The following ZFC3H1 variants were observed in gnomAD, a reference collection of about 807,000 sequenced individuals.
ZFC3H1 encodes the protein zinc finger C3H1-type containing, also known as zinc finger C3H1 domain-containing protein.
Under a neutral mutation model 243.7 loss-of-function variants are expected in ZFC3H1, and 71 were observed. The ratio of observed to expected loss-of-function variants is 0.29; its 90% CI spans 0.24 to 0.36. ZFC3H1 has a LOEUF of 0.36. Ranked by LOEUF, ZFC3H1 falls within the 10% of genes least tolerant of loss-of-function variation. ZFC3H1 has a pLI of 1.00. For synonymous variants in ZFC3H1, 838 were observed against 813.0 expected (o/e 1.03, Z -0.52); for missense variants, 1,966 against 2,317.1 (o/e 0.85, Z 3.11).
intron 10 of ZFC3H1, among the ~76,000 whole-genome samples, chr12:71,635,152 T>C (rs1284458844): frequency 2.0e-5 from 3 of 152,104 alleles, no homozygotes; most frequent in African/African-American, 7.2e-5. Context: ...AACACAACTC[T>C]AAAACAACAG....
intron 10 of ZFC3H1, 21 bp downstream of exon 10, chr12:71,635,422 A>G: frequency 6.4e-7 from 1 of 1,553,152 alleles, no homozygotes; most frequent in Non-Finnish European, 8.6e-7. Context: ...CTTTCTTTCC[A>G]CCTTTAATTA....
intron 24 of ZFC3H1, among the ~76,000 whole-genome samples, chr12:71,622,825 G>A (rs1239301946): frequency 6.6e-6 from 1 of 152,116 alleles, no homozygotes; most frequent in Non-Finnish European, 1.5e-5. Context: ...GGCCTTGTAT[G>A]TTTAATAATT....
At chr12:71,662,497 T>TCCCCCCCCCCCC (rs150388437) in intron 1 of ZFC3H1, among the ~76,000 whole-genome samples, 1 of 103,494 alleles carries the variant, frequency 9.7e-6, no homozygotes, top group Non-Finnish European at 1.9e-5. Flanking sequence ...TTTTTACCCC[T>TCCCCCCCCCCCC]CCCCCCCCCA....
chr12:71,610,311 T>A lies in ZFC3H1; in HGVS notation c.*117A>T, dbSNP rs17227269. The A allele has an allele frequency of 8.2e-7, 1 of 1,225,446 alleles. No homozygotes were observed. Among genetic ancestry groups the A allele is most frequent in the Non-Finnish European group, 1.1e-6 (1 of 876,700 alleles). 75.9% of individuals were successfully genotyped at this position (1,225,446 alleles called of 1,614,324 possible). ...GGATATTGTAGGGAACTTGATATGATCAATAACGCTTGTCTGCCTTACACA... is the reference window on the plus strand; with the variant it reads ...GGATATTGTAGGGAACTTGATATGAACAATAACGCTTGTCTGCCTTACACA... On this transcript the variant is annotated 3_prime_UTR_variant, in exon 35 of 35. Coordinates refer to ENST00000378743, the MANE Select transcript of ZFC3H1 (RefSeq NM_144982.5).
intron 2 of ZFC3H1, among the ~76,000 whole-genome samples, chr12:71,652,842 T>C (rs1565827274): frequency 6.6e-6 from 1 of 152,022 alleles, no homozygotes; most frequent in Non-Finnish European, 1.5e-5. Context: ...TCACACCATA[T>C]GGACAGCCAG....
At chr12:71,656,493 A>G (rs1309388724) in intron 2 of ZFC3H1, 1 of 655,310 alleles carries the variant, frequency 1.5e-6, no homozygotes, top group Non-Finnish European at 2.7e-6. Context: ...TGTAAACTTC[A>G]ACATCCATTC....
intron 4 of ZFC3H1, 135 bp downstream of exon 4, chr12:71,644,742 T>C (rs1391856274): frequency 4.0e-6 from 4 of 1,008,394 alleles, no homozygotes; most frequent in Non-Finnish European, 5.6e-6. Context: ...CGCCTGAACC[T>C]GGGAGGTGGA....
Position 71,611,823 on chromosome 12 carries a change from T to G in ZFC3H1, c.5692A>C (p.Thr1898Pro). The G allele has an allele frequency of 6.2e-7, 1 of 1,611,248 alleles. No homozygotes were observed. Among genetic ancestry groups the G allele is most frequent in the Non-Finnish European group, 8.5e-7 (1 of 1,178,078 alleles). ...QILKLQAKMF[T>P]YNIPTCLATW... is the part of the protein sequence containing the mutation. ...GCCAGGCATGTTGGGATATTATATG[T>G]AAACATCTTGGCTTGAAGTTTCAGA... Residue 1898 changes from threonine (T) to proline (P), a missense_variant, in exon 32 of 35, where the codon ACA becomes CCA. By Grantham distance (38) the Thr-to-Pro change is conservative (BLOSUM62 -1). Transcript: ENST00000378743.
In ZFC3H1 at chr12:71,631,859, G is replaced by A. The variant is rs1565813560; in HGVS notation, c.3389C>T (p.Thr1130Ile). ...QEISVDVDFV[T>I]AQSKTMEVKP... is the part of the protein sequence containing the mutation. ...CACTTCCATTGTTTTACTTTGTGCT[G>A]TGACAAAATCCACATCTACAGAAAT... The change falls in exon 16 of 35, where the codon ACA becomes ATA. Residue 1130 changes from threonine to isoleucine, a missense_variant. Around this residue, in one of 4 missense-constraint regions of ZFC3H1, gnomAD observed 1,383 missense variants for 1,723.7 expected, o/e 0.80. Transcript: ENST00000378743. 1 of 1,613,638 alleles carries A rather than the reference G, an allele frequency of 6.2e-7. No individual in the cohort carries two copies. The highest frequency in any genetic ancestry group is 1.7e-5 in the Admixed American group (1 of 59,978).
chr12:71,630,458 G>C (rs1880294471), intron 18 of ZFC3H1, 142 bp downstream of exon 18: 4 of 1,190,636 alleles, frequency 3.4e-6, no homozygotes, highest in African/African-American at 3.1e-5. Flanking sequence ...AATTATACTG[G>C]ATACAGCAAA....
intron 11 of ZFC3H1, 81 bp downstream of exon 11, chr12:71,634,623 C>A: frequency 7.0e-7 from 1 of 1,420,780 alleles, no homozygotes; most frequent in East Asian, 2.3e-5. Flanking sequence ...ATCACTCATT[C>A]CCCAGTGCCA....
chr12:71,612,120 A>G (rs1391841705), intron 31 of ZFC3H1, among the ~76,000 whole-genome samples: 7 of 152,128 alleles, frequency 4.6e-5, no homozygotes, highest in Admixed American at 1.3e-4. Flanking sequence ...ACTAAGGTCC[A>G]TGTATTTCTA....
intron 5 of ZFC3H1, among the ~76,000 whole-genome samples, chr12:71,643,702 T>C (rs1187442547): frequency 1.3e-5 from 2 of 152,196 alleles, no homozygotes; most frequent in Non-Finnish European, 2.9e-5. Flanking sequence ...TACTATATCA[T>C]GATTTAACAT....
chr12:71,630,504 A>AT, intron 18 of ZFC3H1, 96 bp downstream of exon 18: 1 of 1,440,200 alleles, frequency 6.9e-7, no homozygotes, highest in Non-Finnish European at 9.3e-7. Flanking sequence ...ACACTGAATT[A>AT]TAGTAAGTAT....
chr12:71,642,135 C>T (rs968474714), intron 6 of ZFC3H1, among the ~76,000 whole-genome samples: 3 of 152,208 alleles, frequency 2.0e-5, no homozygotes, highest in Non-Finnish European at 2.9e-5. Context: ...CAGGTGTGAG[C>T]CACTGCACCC....
In ZFC3H1 at chr12:71,611,370, C is replaced by A. The variant is rs570944869; in HGVS notation, c.5730-273G>T. 8.1e-4 allele frequency: 182 copies of A among 225,778 alleles called. No individual in the cohort carries two copies. The highest frequency in any genetic ancestry group is 2.7e-3 in the African/African-American group (113 of 41,590). The allele number at this position is 225,778 out of a possible 1,614,324, so 14.0% of individuals were successfully genotyped here. A position where few individuals can be genotyped will look rare whatever the true frequency, so the allele number is the denominator to read the frequency against. ...GAGAAAAAAAAAACAACAACAACAA[C>A]AAAAAAAAAACACCTCATAATTACT... On this transcript the variant is annotated intron_variant, in intron 32 of 34. Transcript: ENST00000378743.
chr12:71,615,000 C>T, intron 28 of ZFC3H1, 62 bp from the exon 29 acceptor site: 1 of 1,408,458 alleles, frequency 7.1e-7, no homozygotes, highest in Non-Finnish European at 1.0e-6. Context: ...GAAGGAATGA[C>T]AAAGTATTTT....
Position 71,610,766 on chromosome 12 carries a change from T to C in ZFC3H1, c.5770-9A>G, listed in dbSNP as rs767449589. 17 of 1,611,638 alleles carry C rather than the reference T, an allele frequency of 1.1e-5. No individual in the cohort carries two copies. Among genetic ancestry groups the C allele is most frequent in the Admixed American group, 1.0e-4 (6 of 59,866 alleles). On this transcript the variant is annotated splice_polypyrimidine_tract_variant and intron_variant, in intron 33 of 34. Transcript: ENST00000378743. ...TGATATAAACGGTGGACCTGTAAGA[T>C]AGATATACACACAATTCCATCAGAA...
intron 22 of ZFC3H1, among the ~76,000 whole-genome samples, 157 bp from the exon 23 acceptor site, chr12:71,624,449 C>A (rs931911512): frequency 6.6e-6 from 1 of 152,212 alleles, no homozygotes; most frequent in Non-Finnish European, 1.5e-5. Context: ...TCTAGTACTA[C>A]AACCTAGACT....
Sources: gnomAD v4.1 joint callset for allele counts (sites outside exome capture counted in the v4.1 genomes callset) on GRCh38, gnomAD v4.1.1 for gene constraint, gnomAD v4.1.1 regional missense constraint, MANE v1.5 for transcripts, NCBI Gene and HGNC (gene_info 2026-07-23, HGNC 2026-07-21) for gene names.